The following MMP26 variants were observed in gnomAD, a reference collection of about 807,000 sequenced individuals.
MMP26 encodes matrix metalloproteinase-26.
A neutral mutation model predicts 31.0 loss-of-function variants in MMP26; 33 were observed. That is an observed-to-expected ratio of 1.06 (90% CI 0.81 to 1.42). The LOEUF (loss-of-function observed/expected upper bound fraction) is 1.42. Ranked by LOEUF, MMP26 falls within the 40% of genes most tolerant of loss-of-function variation. The probability of loss-of-function intolerance (pLI) is 0.00; values close to 1 mark genes in which losing one functional copy is unlikely to be tolerated. For missense variants in MMP26, 347 were observed against 316.1 expected, an observed-to-expected ratio of 1.10 and a Z score of -0.74; for synonymous variants, 122 against 114.9, an observed-to-expected ratio of 1.06 and a Z score of -0.40.
intron 2 of MMP26, among the ~76,000 whole-genome samples, chr11:4,808,563 G>T (rs866803639): frequency 1.3e-5 from 2 of 152,164 alleles, no homozygotes; most frequent in Middle Eastern, 6.8e-3. Flanking sequence ...TCCTTAGGAA[G>T]TGATGAGTTT....
intron 1 of MMP26, among the ~76,000 whole-genome samples, chr11:4,765,654 T>C (rs1429489072): frequency 6.6e-6 from 1 of 152,210 alleles, no homozygotes; most frequent in Non-Finnish European, 1.5e-5. Context: ...CCTCCTCATA[T>C]GCGTGGGTAG....
At chr11:4,774,285 G>A (rs1430618030) in intron 2 of MMP26, among the ~76,000 whole-genome samples, 4 of 151,914 alleles carry the variant, frequency 2.6e-5, no homozygotes, top group Non-Finnish European at 5.9e-5. Flanking sequence ...GACCTCACCA[G>A]CTTCTGTTTC....
intron 2 of MMP26, among the ~76,000 whole-genome samples, chr11:4,831,182 C>T (rs894321777): frequency 2.0e-5 from 3 of 152,306 alleles, no homozygotes; most frequent in South Asian, 4.1e-4. Context: ...TTTATCTACA[C>T]TTGCCAAGAT....
chr11:4,862,492 C>T (rs922302693), intron 2 of MMP26, among the ~76,000 whole-genome samples: 4 of 152,124 alleles, frequency 2.6e-5, no homozygotes, highest in Non-Finnish European at 5.9e-5. Flanking sequence ...AATTAAAAAT[C>T]TTCAACAAAG....
At chr11:4,940,615 C>T (rs192066351) in intron 2 of MMP26, among the ~76,000 whole-genome samples, 290 of 152,150 alleles carry the variant, frequency 1.9e-3, no homozygotes, top group African/African-American at 6.2e-3. Context: ...TCTAAGAGCC[C>T]CTTGGGATGC....
At chr11:4,747,727 G>A (rs1848398971) in intron 1 of MMP26, among the ~76,000 whole-genome samples, 1 of 152,034 alleles carries the variant, frequency 6.6e-6, no homozygotes, top group African/African-American at 2.4e-5. Context: ...CCTAAACTGA[G>A]ACCAAAAGTG....
intron 2 of MMP26, among the ~76,000 whole-genome samples, chr11:4,806,512 A>G (rs936891777): frequency 1.3e-5 from 2 of 151,968 alleles, no homozygotes; most frequent in African/African-American, 4.8e-5. Flanking sequence ...TTGTTGGTTT[A>G]AAGTCTGTTT....
At chr11:4,836,770 C>A (rs1489766293) in intron 2 of MMP26, among the ~76,000 whole-genome samples, 1 of 148,736 alleles carries the variant, frequency 6.7e-6, no homozygotes, top group Non-Finnish European at 1.5e-5. Flanking sequence ...AGCGATTTTC[C>A]TGCCTCAGCC....
At chr11:4,991,206 T>C (rs142090195) in intron 5 of MMP26, among the ~76,000 whole-genome samples, 165 bp from the exon 6 acceptor site, 1 of 152,194 alleles carries the variant, frequency 6.6e-6, no homozygotes, top group African/African-American at 2.4e-5. Flanking sequence ...AGGAAGATTT[T>C]GGGCCCCACC....
chr11:4,723,438 G>C, intron 1 of MMP26: 1 of 1,031,068 alleles, frequency 9.7e-7, no homozygotes. Context: ...AGCGGCTGCT[G>C]TCCATGGACA....
chr11:4,917,132 C>G (rs77145981), intron 2 of MMP26, among the ~76,000 whole-genome samples: 1 of 142,874 alleles, frequency 7.0e-6, no homozygotes, highest in Non-Finnish European at 1.5e-5. Context: ...TGCCCCAGTA[C>G]GCAGCAGATG....
intron 2 of MMP26, among the ~76,000 whole-genome samples, chr11:4,921,441 G>A (rs1185049169): frequency 1.3e-5 from 2 of 152,206 alleles, no homozygotes; most frequent in African/African-American, 4.8e-5. Context: ...ATCCGTGAGG[G>A]ATTCAAGTCA....
At chr11:4,971,255 CT>C (rs1846662090) in intron 2 of MMP26, among the ~76,000 whole-genome samples, 3 of 152,262 alleles carry the variant, frequency 2.0e-5, no homozygotes, top group Admixed American at 1.3e-4. Context: ...TCAGTTTCTG[CT>C]TACCTGGGAT....
rs1467523172 is a variant in MMP26, at chr11:4,719,693, A to G, written c.-217+14648A>G. ...AAATACAACTTAGTTTGAAGTAAGA[A>G]GACTGTGAACTCAGAGAGATTAATA... On this transcript the variant is annotated intron_variant, in intron 1 of 7. Coordinates refer to ENST00000380390, the MANE Select transcript of MMP26 (RefSeq NM_021801.5). 2.6e-5 allele frequency: 4 copies of G among 152,366 alleles called. No homozygotes were observed. The East Asian group carries it at 7.7e-4, about 29-fold the overall frequency. The allele number at this position is 152,366 out of a possible 1,614,324, so 9.4% of individuals were successfully genotyped here.
intron 2 of MMP26, chr11:4,849,301 T>G: frequency 7.3e-7 from 1 of 1,375,380 alleles, no homozygotes; most frequent in Non-Finnish European, 9.9e-7. Flanking sequence ...CGTTCCAAAA[T>G]AGCCTGCATC....
At chr11:4,772,995 T>A (rs1564906396) in intron 2 of MMP26, among the ~76,000 whole-genome samples, 1 of 152,198 alleles carries the variant, frequency 6.6e-6, no homozygotes, top group Non-Finnish European at 1.5e-5. Flanking sequence ...TCAACTGTTT[T>A]GACTAATACT....
chr11:4,974,786 G>A (rs964460387), intron 2 of MMP26, among the ~76,000 whole-genome samples: 3 of 152,020 alleles, frequency 2.0e-5, no homozygotes, highest in Admixed American at 1.3e-4. Context: ...TAAAAGGAAC[G>A]ACATCATGTC....
chr11:4,745,173 T>C (rs7128051), intron 1 of MMP26, among the ~76,000 whole-genome samples: 9,345 of 152,256 alleles, frequency 0.061, 672 homozygotes, highest in African/African-American at 0.18. Context: ...CTGAAGCCAC[T>C]TGATATTCTT....
intron 2 of MMP26, chr11:4,937,605 A>G (rs1476624057): frequency 6.6e-6 from 1 of 152,648 alleles, no homozygotes; most frequent in Non-Finnish European, 1.5e-5. Context: ...GTCTGGGGGT[A>G]GCAATTCCCA....
Sources: allele counts gnomAD v4.1 joint callset (sites outside exome capture counted in the v4.1 genomes callset), GRCh38; gene constraint gnomAD v4.1.1; transcripts MANE v1.5; gene names NCBI Gene and HGNC (gene_info 2026-07-23, HGNC 2026-07-21).